FGF13: variants seen among roughly 807,000 people sequenced by gnomAD.
FGF13 encodes fibroblast growth factor 13.
Under a neutral mutation model 19.5 loss-of-function variants are expected in FGF13, and 2 were observed. The ratio of observed to expected loss-of-function variants is 0.10; its 90% CI spans 0.04 to 0.32. The LOEUF is 0.32. Among genes scored for constraint, FGF13 ranks in the 10% least tolerant of loss-of-function variants. The probability of loss-of-function intolerance (pLI) is 1.00; values close to 1 mark genes in which losing one functional copy is unlikely to be tolerated. For synonymous variants in FGF13, 72 were observed against 76.9 expected, an observed-to-expected ratio of 0.94 and a Z score of 0.33; for missense variants, 113 against 192.7, an observed-to-expected ratio of 0.59 and a Z score of 2.45.
At chrX:138,738,157 C>T (rs770835255) in intron 1 of FGF13, among the ~76,000 whole-genome samples, 1 of 111,838 alleles carries the variant, frequency 8.9e-6, no homozygotes, top group African/African-American at 3.2e-5. Flanking sequence ...GAAGAGAAAG[C>T]CTATTAATCC....
At chrX:139,084,466 G>A (rs112053666) in intron 1 of FGF13, among the ~76,000 whole-genome samples, 2,183 of 111,603 alleles carry the variant, frequency 0.02, 63 homozygotes, top group African/African-American at 0.068. Flanking sequence ...CCAAGGACCT[G>A]CACAACTCTG....
At chrX:138,767,775 C>T (rs1003083855) in intron 3 of FGF13, among the ~76,000 whole-genome samples, 1 of 112,163 alleles carries the variant, frequency 8.9e-6, no homozygotes, top group Non-Finnish European at 1.9e-5. Flanking sequence ...TGACCTTGGT[C>T]AGGGCATTTA....
chrX:138,644,582 G>A (rs1331791977), intron 3 of FGF13, among the ~76,000 whole-genome samples: 1 of 111,470 alleles, frequency 9.0e-6, no homozygotes, highest in East Asian at 2.8e-4. Flanking sequence ...ACCTGGCCAG[G>A]AATCTTTGAG....
upstream of FGF13, among the ~76,000 whole-genome samples, chrX:138,742,115 T>C (rs1482225162): frequency 8.9e-6 from 1 of 111,962 alleles, no homozygotes; most frequent in Non-Finnish European, 1.9e-5. Flanking sequence ...TGTGACCTCC[T>C]TGGTCCCCTC....
At position 139,192,321 on chromosome X, in the gene FGF13, T is replaced by C. The variant is rs754240769; in HGVS notation, c.-113+11095A>G. On this transcript the variant is annotated intron_variant, in intron 1 of 2. Transcript: ENST00000421460. ...CAATGGAGCCTGCTCACCAGAAAAA[T>C]TGACATTTATACATAATTTCTAGGG... Among the ~76,000 whole-genome samples, 11 of 111,454 alleles carry C rather than the reference T, an allele frequency of 9.9e-5. 1 individual carries two copies. Among genetic ancestry groups the C allele is most frequent in the Non-Finnish European group, 2.1e-4 (11 of 53,095 alleles).
At chrX:139,153,446 C>T (rs1023210199) in intron 1 of FGF13, among the ~76,000 whole-genome samples, 1 of 110,873 alleles carries the variant, frequency 9.0e-6, no homozygotes, top group African/African-American at 3.3e-5. Flanking sequence ...GCCAAATAGC[C>T]CCCTCTCCCC....
At chrX:138,756,064 T>G (rs896219283) in intron 3 of FGF13, among the ~76,000 whole-genome samples, 11 of 112,026 alleles carry the variant, frequency 9.8e-5, no homozygotes, top group African/African-American at 3.6e-4. Context: ...GGTGTCCATC[T>G]GTAAGCCAAG....
At chrX:139,167,660 G>A (rs2084097482) in intron 1 of FGF13, among the ~76,000 whole-genome samples, 1 of 111,815 alleles carries the variant, frequency 8.9e-6, no homozygotes, top group African/African-American at 3.3e-5. Context: ...TGTCTCTGGA[G>A]TCCCAGCTAA....
At chrX:139,198,764 G>T (rs1022646324) in intron 1 of FGF13, among the ~76,000 whole-genome samples, 2 of 110,555 alleles carry the variant, frequency 1.8e-5, no homozygotes, top group African/African-American at 6.6e-5. Context: ...GGAAAACACT[G>T]CTTTAAAGGA....
intron 1 of FGF13, among the ~76,000 whole-genome samples, chrX:138,878,990 G>C (rs1158841095): frequency 5.4e-5 from 6 of 111,452 alleles, no homozygotes; most frequent in Non-Finnish European, 1.1e-4. Flanking sequence ...CCCACTTTTT[G>C]ATGGGGTTGT....
chrX:139,186,113 A>G (rs189095633), intron 1 of FGF13, among the ~76,000 whole-genome samples: 1 of 112,159 alleles, frequency 8.9e-6, no homozygotes, highest in African/African-American at 3.2e-5. Context: ...ATATTTATAA[A>G]TGGTCTGCTA....
At chrX:139,162,731 A>G (rs957577945) in intron 1 of FGF13, among the ~76,000 whole-genome samples, 3 of 112,244 alleles carry the variant, frequency 2.7e-5, no homozygotes, top group Non-Finnish European at 3.8e-5. Context: ...AGTGGGCAAA[A>G]GATATGAACA....
intron 3 of FGF13, among the ~76,000 whole-genome samples, chrX:138,652,460 G>T (rs929964755): frequency 8.9e-6 from 1 of 111,828 alleles, no homozygotes; most frequent in Admixed American, 9.5e-5. Flanking sequence ...CCAGTGTTTG[G>T]AACAGTACAT....
chrX:139,202,792 G>A (rs1467436912), intron 1 of FGF13, among the ~76,000 whole-genome samples: 1 of 111,090 alleles, frequency 9.0e-6, no homozygotes, highest in Non-Finnish European at 1.9e-5. Flanking sequence ...GGGCCTGAGG[G>A]CTCAGGAAGG....
rs1330654704 is a variant in FGF13, at chrX:138,799,462, ACC to A, written c.217+58048_217+58049del. 3.6e-5 allele frequency among the ~76,000 whole-genome samples: 4 copies of A among 111,248 alleles called. No individual in the cohort carries two copies. The East Asian group carries it at 1.1e-3, about 31-fold the overall frequency. Reference sequence around the variant, plus strand: ...ATTTCCATTCTTTTGCATTTGCTGAACCGTGTTTTATTTCCAATTATGTGGTC... The same window carrying A: ...ATTTCCATTCTTTTGCATTTGCTGAAGTGTTTTATTTCCAATTATGTGGTC... On this transcript the variant is annotated intron_variant, in intron 3 of 6. Transcript: ENST00000436198.
At chrX:138,957,977 A>G (rs778101733) in intron 1 of FGF13, among the ~76,000 whole-genome samples, 18 of 111,961 alleles carry the variant, frequency 1.6e-4, no homozygotes, top group Non-Finnish European at 3.2e-4. Context: ...GCAAACAGGG[A>G]CAATTTGACT....
At chrX:139,146,354 A>C (rs9306800) in intron 1 of FGF13, among the ~76,000 whole-genome samples, 6,985 of 112,081 alleles carry the variant, frequency 0.062, 421 homozygotes, top group African/African-American at 0.18. Context: ...ATGCAGCCAA[A>C]AGACACATGA....
Position 138,893,733 on chromosome X carries a change from G to GTAA in FGF13, c.-112-29084_-112-29083insTTA, listed in dbSNP as rs779001028. Reference sequence around the variant, plus strand: ...AACGTGAAATAAGTCTGAATTACTTGTGCAACCTGTAAGGTGAGCCACCTT... The same window carrying GTAA: ...AACGTGAAATAAGTCTGAATTACTTGTAATGCAACCTGTAAGGTGAGCCACCTT... On this transcript the variant is annotated intron_variant, in intron 1 of 2. Coordinates refer to the FGF13 transcript ENST00000421460. 2.1e-3 allele frequency among the ~76,000 whole-genome samples: 234 copies of GTAA among 111,787 alleles called. 1 individual carries two copies. Among genetic ancestry groups the GTAA allele is most frequent in the African/African-American group, 7.2e-3 (221 of 30,829 alleles).
chrX:138,967,058 T>C (rs745945186), intron 1 of FGF13, among the ~76,000 whole-genome samples: 3 of 111,187 alleles, frequency 2.7e-5, no homozygotes, highest in Non-Finnish European at 5.7e-5. Flanking sequence ...ATTAAACCTC[T>C]TTTCTTTATA....
Sources: gnomAD v4.1 joint callset for allele counts (sites outside exome capture counted in the v4.1 genomes callset) on GRCh38, gnomAD v4.1.1 for gene constraint, MANE v1.5 for transcripts, NCBI Gene and HGNC (gene_info 2026-07-23, HGNC 2026-07-21) for gene names.